The following EPM2A variants were observed in gnomAD, a reference collection of about 807,000 sequenced individuals.
EPM2A encodes the protein laforin.
In EPM2A, 21 loss-of-function variants were observed where a neutral mutation model predicts 26.5. The ratio of observed to expected loss-of-function variants is 0.79; its 90% CI spans 0.56 to 1.14. EPM2A has a LOEUF of 1.14. EPM2A is among the 50% of genes most tolerant of loss of function. The pLI is 0.00. For missense variants in EPM2A, 458 were observed against 440.8 expected, an observed-to-expected ratio of 1.04 and a Z score of -0.35; for synonymous variants, 217 against 177.6, an observed-to-expected ratio of 1.22 and a Z score of -1.76.
chr6:145,687,526 C>T (rs1339537186), intron 1 of EPM2A, among the ~76,000 whole-genome samples: 1 of 152,062 alleles, frequency 6.6e-6, no homozygotes, highest in Non-Finnish European at 1.5e-5. Flanking sequence ...TCAAATCATG[C>T]CTCTCTTTAT....
intron 2 of EPM2A, among the ~76,000 whole-genome samples, chr6:145,654,148 T>G (rs574656721): frequency 6.6e-6 from 1 of 152,234 alleles, no homozygotes; most frequent in African/African-American, 2.4e-5. Context: ...TCAAGTGATA[T>G]ATATTATTAA....
At chr6:145,407,547 GC>G (rs1299216317) in intron 4 of EPM2A, among the ~76,000 whole-genome samples, 1 of 152,112 alleles carries the variant, frequency 6.6e-6, no homozygotes, top group Non-Finnish European at 1.5e-5. Flanking sequence ...AAAATTACCA[GC>G]TTTCCTATAA....
At chr6:145,708,298 G>A (rs551343207) in intron 1 of EPM2A, among the ~76,000 whole-genome samples, 2 of 152,334 alleles carry the variant, frequency 1.3e-5, no homozygotes, top group South Asian at 4.1e-4. Context: ...ATGAGCCAAA[G>A]GTTAATCACC....
chr6:145,457,481 CAAA>C (rs11325982), intron 4 of EPM2A, among the ~76,000 whole-genome samples: 19 of 105,492 alleles, frequency 1.8e-4, no homozygotes, highest in Admixed American at 3.0e-4. Flanking sequence ...GACTCTGTCT[CAAA>C]AAAAAAAAAA....
intron 4 of EPM2A, among the ~76,000 whole-genome samples, chr6:145,461,547 A>C (rs189693648): frequency 1.3e-3 from 201 of 152,318 alleles, no homozygotes; most frequent in South Asian, 2.5e-3. Context: ...AGCAACAACC[A>C]GAAAACCCAA....
rs562492286 is a variant in EPM2A at position 145,446,971 on chromosome 6, T to G, written c.555+55551A>C. 5.9e-5 allele frequency among the ~76,000 whole-genome samples: 9 copies of G among 152,264 alleles called. No individual in the cohort carries two copies. In the South Asian group the frequency reaches 1.9e-3, roughly 32 times the overall value. ...CAGGTGTTGTTGGTAGGAGAATTAATTAGATACAAGTTACTGTGTCATATT... is the reference window on the plus strand; with the variant it reads ...CAGGTGTTGTTGGTAGGAGAATTAAGTAGATACAAGTTACTGTGTCATATT... On this transcript the variant is annotated intron_variant, in intron 4 of 4. Coordinates refer to the EPM2A transcript ENST00000638717.
At chr6:145,545,855 A>T (rs1417184504) in intron 2 of EPM2A, among the ~76,000 whole-genome samples, 4 of 152,082 alleles carry the variant, frequency 2.6e-5, no homozygotes, top group Non-Finnish European at 5.9e-5. Flanking sequence ...GTCTGTAACA[A>T]CTTTCCTTCC....
intron 2 of EPM2A, among the ~76,000 whole-genome samples, chr6:145,541,233 T>C (rs1780505695): frequency 6.6e-6 from 1 of 151,124 alleles, no homozygotes; most frequent in Non-Finnish European, 1.5e-5. Flanking sequence ...TGTAAATATA[T>C]AATTATATAA....
At chr6:145,710,271 G>GA (rs760949517) in intron 1 of EPM2A, among the ~76,000 whole-genome samples, 4 of 151,540 alleles carry the variant, frequency 2.6e-5, no homozygotes, top group Non-Finnish European at 4.4e-5. Flanking sequence ...AAATTTACAA[G>GA]AAAAAAAACA....
Position 145,402,723 on chromosome 6 carries a change from C to T in EPM2A, c.556-18626G>A, listed in dbSNP as rs187238207. ...AAAAGAGCACAGGCAAACGGATTAA[C>T]ATTTGGTCTACCTGGGTGAATTCTT... is the stretch of plus-strand genomic sequence containing the variant. On this transcript the variant is annotated intron_variant, in intron 4 of 4. Transcript: ENST00000638717. Among the ~76,000 whole-genome samples, 15 of 152,268 alleles carry T rather than the reference C, an allele frequency of 9.9e-5. 1 individual carries two copies. In the East Asian group the frequency reaches 2.9e-3, roughly 29 times the overall value.
intron 4 of EPM2A, among the ~76,000 whole-genome samples, chr6:145,404,811 T>G (rs139108318): frequency 9.7e-4 from 148 of 152,252 alleles, no homozygotes; most frequent in Middle Eastern, 6.8e-3. Flanking sequence ...TCCTCACACC[T>G]TCTTGAAAGA....
intron 1 of EPM2A, among the ~76,000 whole-genome samples, chr6:145,719,499 C>A (rs1583120812): frequency 6.6e-6 from 1 of 151,130 alleles, no homozygotes; most frequent in Non-Finnish European, 1.5e-5. Context: ...GGAGGGATAG[C>A]ATTGGAAGAT....
chr6:145,665,623 C>T (rs1779117364), intron 2 of EPM2A, among the ~76,000 whole-genome samples: 1 of 146,884 alleles, frequency 6.8e-6, no homozygotes, highest in Non-Finnish European at 1.5e-5. Flanking sequence ...GAAACTATTC[C>T]AATCAATAGA....
chr6:145,666,700 C>T (rs1473109811), intron 2 of EPM2A, among the ~76,000 whole-genome samples: 57 of 127,358 alleles, frequency 4.5e-4, no homozygotes, highest in African/African-American at 6.6e-4. Flanking sequence ...GAGCCCGCAT[C>T]GCCAAGTCAA....
intron 2 of EPM2A, among the ~76,000 whole-genome samples, chr6:145,574,670 C>T (rs558426529): frequency 4.9e-4 from 75 of 152,312 alleles, no homozygotes; most frequent in South Asian, 1.0e-3. Context: ...TGGATCCCTT[C>T]CTCTATATTA....
intron 2 of EPM2A, among the ~76,000 whole-genome samples, chr6:145,580,090 A>G (rs1347370830): frequency 2.0e-5 from 3 of 152,160 alleles, no homozygotes; most frequent in African/African-American, 7.2e-5. Flanking sequence ...ACATAATAAG[A>G]AAAGGTTATT....
At chr6:145,546,408 G>GC (rs1780584070) in intron 2 of EPM2A, among the ~76,000 whole-genome samples, 1 of 152,122 alleles carries the variant, frequency 6.6e-6, no homozygotes, top group East Asian at 1.9e-4. Flanking sequence ...GATGGTGCCT[G>GC]CTCACATCAG....
At chr6:145,674,567 TAATA>T (rs1562473827) in intron 2 of EPM2A, among the ~76,000 whole-genome samples, 1 of 151,946 alleles carries the variant, frequency 6.6e-6, no homozygotes, top group Non-Finnish European at 1.5e-5. Context: ...AATGGCTAAC[TAATA>T]AACAGTGTAG....
At chr6:145,602,347 T>A (rs1781427288) in intron 2 of EPM2A, among the ~76,000 whole-genome samples, 5 of 152,234 alleles carry the variant, frequency 3.3e-5, no homozygotes, top group Admixed American at 3.3e-4. Context: ...GTATATCTAA[T>A]AAGAGAAAAC....
Sources: gnomAD v4.1 joint callset for allele counts (sites outside exome capture counted in the v4.1 genomes callset) on GRCh38, gnomAD v4.1.1 for gene constraint, MANE v1.5 for transcripts, NCBI Gene and HGNC (gene_info 2026-07-23, HGNC 2026-07-21) for gene names.